TUBGCP4: variants seen among roughly 807,000 people sequenced by gnomAD.
TUBGCP4 encodes gamma-tubulin complex component 4.
TUBGCP4 carries 54 observed loss-of-function variants against 91.6 expected under a neutral mutation model. That is an observed-to-expected ratio of 0.59 (90% CI 0.47 to 0.74). The LOEUF (loss-of-function observed/expected upper bound fraction) is 0.74, where lower values mean the gene tolerates loss of function less well. Among genes scored for constraint, TUBGCP4 ranks in the 30% least tolerant of loss-of-function variants. The pLI is 0.00. For synonymous variants in TUBGCP4, 297 were observed against 302.8 expected, an observed-to-expected ratio of 0.98 and a Z score of 0.20; for missense variants, 593 against 800.9, an observed-to-expected ratio of 0.74 and a Z score of 3.13.
chr15:43,377,309 T>C (rs1366573351), intron 4 of TUBGCP4, among the ~76,000 whole-genome samples: 1 of 152,182 alleles, frequency 6.6e-6, no homozygotes, highest in Non-Finnish European at 1.5e-5. Context: ...TATTAACAAG[T>C]ATGCCAGCCT....
At chr15:43,389,768 TCA>T (rs1467587041) in intron 9 of TUBGCP4, among the ~76,000 whole-genome samples, 1 of 152,134 alleles carries the variant, frequency 6.6e-6, no homozygotes, top group Non-Finnish European at 1.5e-5. Flanking sequence ...TTTAATGAAC[TCA>T]CAGTTCCACA....
chr15:43,377,908 G>C lies in TUBGCP4; in HGVS notation c.441+5G>C. 6.3e-7 allele frequency: 1 copy of C among 1,596,696 alleles called. No individual in the cohort carries two copies. The highest frequency in any genetic ancestry group is 8.5e-7 in the Non-Finnish European group (1 of 1,174,322). Reference sequence around the variant, plus strand: ...GAACAAATTAAAAGTCAAAAGGTGAGAACTTTCCTTATTCCTTTTGCTTTG... The same window carrying C: ...GAACAAATTAAAAGTCAAAAGGTGACAACTTTCCTTATTCCTTTTGCTTTG... On this transcript the variant is annotated splice_donor_5th_base_variant and intron_variant, in intron 5 of 17. Coordinates refer to ENST00000564079, the MANE Select transcript of TUBGCP4 (RefSeq NM_014444.5).
intron 9 of TUBGCP4, among the ~76,000 whole-genome samples, chr15:43,392,263 A>G (rs1193608720): frequency 6.6e-6 from 1 of 151,700 alleles, no homozygotes; most frequent in Non-Finnish European, 1.5e-5. Flanking sequence ...TGAGAAATAT[A>G]TATAAAACTT....
At chr15:43,391,594 T>G (rs1447954428) in intron 9 of TUBGCP4, 1 of 152,220 alleles carries the variant, frequency 6.6e-6, no homozygotes, top group Non-Finnish European at 1.5e-5. Context: ...GTCACCGTAT[T>G]GATGCCGAAT....
intron 15 of TUBGCP4, chr15:43,402,656 G>C (rs1034245774): frequency 6.6e-6 from 1 of 151,996 alleles, no homozygotes; most frequent in Non-Finnish European, 1.5e-5. Flanking sequence ...GGAATCATCG[G>C]GACTCTTTAA....
intron 9 of TUBGCP4, among the ~76,000 whole-genome samples, chr15:43,388,984 C>T (rs553983354): frequency 1.1e-4 from 17 of 152,246 alleles, no homozygotes; most frequent in Admixed American, 5.2e-4. Flanking sequence ...GTGAATCTGG[C>T]GCTAGAGGTC....
chr15:43,394,026 A>G (rs974308498), intron 9 of TUBGCP4: 11 of 148,874 alleles, frequency 7.4e-5, no homozygotes, highest in Admixed American at 3.3e-4. Flanking sequence ...AGAGTCCTTT[A>G]TGTATTCTGA....
intron 5 of TUBGCP4, among the ~76,000 whole-genome samples, chr15:43,379,061 G>C (rs2044248028): frequency 1.3e-5 from 2 of 152,334 alleles, no homozygotes; most frequent in Middle Eastern, 3.4e-3. Flanking sequence ...GGAAAATAGG[G>C]GGATTGCAGA....
At position 43,387,875 on chromosome 15, in the gene TUBGCP4, G is replaced by A. The variant is rs543094936; in HGVS notation, c.1014+1545G>A. Among the ~76,000 whole-genome samples the A allele has an allele frequency of 5.9e-5, 9 of 152,180 alleles. No individual in the cohort carries two copies. The East Asian group carries it at 1.7e-3, about 29-fold the overall frequency. On this transcript the variant is annotated intron_variant, in intron 9 of 17. Coordinates refer to ENST00000564079, the MANE Select transcript of TUBGCP4 (RefSeq NM_014444.5). Reference sequence around the variant, plus strand: ...TATTTTATTTTATTTTTGAGACAGGGTCTTGCTTTGTCACCCAGGCTGAAG... The same window carrying A: ...TATTTTATTTTATTTTTGAGACAGGATCTTGCTTTGTCACCCAGGCTGAAG...
chr15:43,379,534 G>C (rs949284047), intron 5 of TUBGCP4, among the ~76,000 whole-genome samples: 1 of 151,864 alleles, frequency 6.6e-6, no homozygotes, highest in Non-Finnish European at 1.5e-5. Flanking sequence ...CGCACTACTC[G>C]GGAGGCTGAG....
In TUBGCP4 at chr15:43,407,365, C is replaced by G. The variant is rs760060223; in HGVS notation, c.*2151C>G. On this transcript the variant is annotated 3_prime_UTR_variant, in exon 18 of 18. Transcript: ENST00000564079. ...TCTCCACGATAGCAGGGAATAAAAC[C>G]AGTAAGACCAAGTATCTTTAGTGAG... The G allele has an allele frequency of 6.2e-7, 1 of 1,611,632 alleles. No individual in the cohort carries two copies. Among genetic ancestry groups the G allele is most frequent in the Admixed American group, 1.7e-5 (1 of 59,978 alleles).
chr15:43,404,240 G>A, intron 16 of TUBGCP4, 173 bp from the exon 17 acceptor site: 1 of 680,860 alleles, frequency 1.5e-6, no homozygotes, highest in Non-Finnish European at 2.4e-6. Context: ...TGCATGTATG[G>A]ATTTGGTACA....
chr15:43,379,189 T>C (rs1292262543), intron 5 of TUBGCP4, among the ~76,000 whole-genome samples: 2 of 152,226 alleles, frequency 1.3e-5, no homozygotes, highest in Non-Finnish European at 2.9e-5. Flanking sequence ...TGGAGATTGA[T>C]TGCAGACAGG....
chr15:43,392,075 T>TACAC (rs3986231), intron 9 of TUBGCP4, among the ~76,000 whole-genome samples: 7,225 of 133,092 alleles, frequency 0.054, 196 homozygotes, highest in South Asian at 0.089. Flanking sequence ...AAAATAGAGA[T>TACAC]ACACACACAC....
Position 43,409,758 on chromosome 15 carries a change from AAC to A in TUBGCP4, c.*4545_*4546del. The A allele has an allele frequency of 7.4e-7, 1 of 1,343,434 alleles. No homozygotes were observed. The highest frequency in any genetic ancestry group is 1.0e-6 in the Non-Finnish European group (1 of 977,046). The allele number at this position is 1,343,434 out of a possible 1,614,324, so 83.2% of individuals were successfully genotyped here. On this transcript the variant is annotated 3_prime_UTR_variant, in exon 18 of 18. Coordinates refer to ENST00000564079, the MANE Select transcript of TUBGCP4 (RefSeq NM_014444.5). ...CCAAAAATTCTATATTAAAAAAAAA[AAC>A]CAAGATAATAATTACTGAGTGGTTT...
intron 9 of TUBGCP4, among the ~76,000 whole-genome samples, chr15:43,392,094 A>G (rs1057042408): frequency 2.0e-5 from 3 of 150,856 alleles, no homozygotes; most frequent in Non-Finnish European, 4.4e-5. Flanking sequence ...ACACACACAC[A>G]CACACACACA....
chr15:43,378,051 T>G, intron 5 of TUBGCP4, 148 bp downstream of exon 5: 1 of 617,442 alleles, frequency 1.6e-6, no homozygotes, highest in Admixed American at 3.7e-5. Context: ...GTTATCATGT[T>G]AAGTGTCAGG....
chr15:43,371,277 A>G lies in TUBGCP4; in HGVS notation c.-78A>G. On this transcript the variant is annotated 5_prime_UTR_variant, in exon 1 of 18. Coordinates refer to ENST00000564079, the MANE Select transcript of TUBGCP4 (RefSeq NM_014444.5). ...GGGCCGGTGCGCGTGTGGAAGGGGA[A>G]GCACTCCCCTCGTGGTCGCCTGGAG... 2.1e-6 allele frequency: 3 copies of G among 1,416,890 alleles called. No individual in the cohort carries two copies. The highest frequency in any genetic ancestry group is 2.9e-6 in the Non-Finnish European group (3 of 1,018,064). The allele number at this position is 1,416,890 out of a possible 1,614,324, so 87.8% of individuals were successfully genotyped here.
chr15:43,385,661 T>G, intron 7 of TUBGCP4, 130 bp from the exon 8 acceptor site: 1 of 907,506 alleles, frequency 1.1e-6, no homozygotes. Flanking sequence ...GTTTGAGAAC[T>G]GTGCAACACC....
Sources: gnomAD v4.1 joint callset for allele counts (sites outside exome capture counted in the v4.1 genomes callset) on GRCh38, gnomAD v4.1.1 for gene constraint, MANE v1.5 for transcripts, NCBI Gene and HGNC (gene_info 2026-07-23, HGNC 2026-07-21) for gene names.